The following ACP3 variants were observed in gnomAD, a reference collection of about 807,000 sequenced individuals.
ACP3 encodes prostatic acid phosphatase.
Under a neutral mutation model 45.6 loss-of-function variants are expected in ACP3, and 38 were observed. That is an observed-to-expected ratio of 0.83 (90% CI 0.64 to 1.09). ACP3 has a LOEUF of 1.09. Among genes scored for constraint, ACP3 ranks in the 50% least tolerant of loss-of-function variants. The pLI, the probability that ACP3 is intolerant of heterozygous loss-of-function variation, is 0.00. For missense variants in ACP3, 466 were observed against 463.2 expected (o/e 1.01, Z -0.05); for synonymous variants, 162 against 164.7 (o/e 0.98, Z 0.13).
At chr3:132,347,871 A>ACACACACACACACACC (rs766142673) in intron 7 of ACP3, among the ~76,000 whole-genome samples, 3 of 151,094 alleles carry the variant, frequency 2.0e-5, no homozygotes, top group Admixed American at 6.6e-5. Flanking sequence ...ACACACACAC[A>ACACACACACACACACC]CCAAAAAAAT....
chr3:132,354,118 C>G (rs17242260), intron 9 of ACP3, among the ~76,000 whole-genome samples: 72,390 of 151,990 alleles, frequency 0.48, 18,019 homozygotes, highest in Middle Eastern at 0.65. Flanking sequence ...ATAAAACCCT[C>G]TCTTAATAAC....
chr3:132,339,611 T>C (rs55950941), intron 5 of ACP3, among the ~76,000 whole-genome samples: 35,205 of 152,190 alleles, frequency 0.23, 4,174 homozygotes, highest in Middle Eastern at 0.31. Context: ...AACACAGTTA[T>C]TGGTTATTAC....
chr3:132,357,194 A>G lies in ACP3; in HGVS notation c.*316A>G. The stretch of plus-strand genomic sequence containing the variant: ...CCATGAACTATATGACTGGCCACAC[A>G]GGATCTTTTGTATTTAAGGATTCTG... On this transcript the variant is annotated 3_prime_UTR_variant, in exon 10 of 10. Transcript: ENST00000336375. 1 of 1,025,262 alleles carries G rather than the reference A, an allele frequency of 9.8e-7. No individual in the cohort carries two copies. Among genetic ancestry groups the G allele is most frequent in the Non-Finnish European group, 1.2e-6 (1 of 855,754 alleles). The allele number at this position is 1,025,262 out of a possible 1,614,324, so 63.5% of individuals were successfully genotyped here.
intron 8 of ACP3, among the ~76,000 whole-genome samples, chr3:132,350,701 A>T (rs1937709451): frequency 6.6e-6 from 1 of 152,152 alleles, no homozygotes; most frequent in South Asian, 2.1e-4. Context: ...TTTATGCTGG[A>T]TGGCAGCTGA....
intron 9 of ACP3, among the ~76,000 whole-genome samples, chr3:132,354,158 G>T (rs1251365660): frequency 1.3e-5 from 2 of 152,106 alleles, no homozygotes; most frequent in African/African-American, 2.4e-5. Flanking sequence ...CCATCAGAAG[G>T]CCAGCTCTGG....
At chr3:132,332,520 A>G (rs1426601253) in intron 4 of ACP3, 176 bp downstream of exon 4, 1 of 747,758 alleles carries the variant, frequency 1.3e-6, no homozygotes, top group African/African-American at 1.8e-5. Flanking sequence ...GCTAAGAGAG[A>G]GTAGGAACCA....
chr3:132,322,784 C>T (rs1243049036), intron 1 of ACP3, among the ~76,000 whole-genome samples: 1 of 152,240 alleles, frequency 6.6e-6, no homozygotes, highest in Non-Finnish European at 1.5e-5. Context: ...CCCAATGTAA[C>T]AGCCTTAAGA....
intron 10 of ACP3, among the ~76,000 whole-genome samples, chr3:132,364,394 A>G (rs1402758337): frequency 1.3e-5 from 2 of 152,060 alleles, no homozygotes; most frequent in Non-Finnish European, 2.9e-5. Context: ...CCATTTACAC[A>G]TGTGGTTTCA....
intron 4 of ACP3, 50 bp from the exon 5 acceptor site, chr3:132,337,406 C>A (rs775711756): frequency 3.3e-6 from 4 of 1,223,982 alleles, no homozygotes; most frequent in Non-Finnish European, 4.7e-6. Flanking sequence ...GCATATTTAG[C>A]AAAGTTTTTC....
Position 132,358,498 on chromosome 3 carries a change from C to G in ACP3, c.*1620C>G. On this transcript the variant is annotated 3_prime_UTR_variant, in exon 10 of 10. Coordinates refer to ENST00000336375, the MANE Select transcript of ACP3 (RefSeq NM_001099.5). ...GGCAGATCTACATGTCTAGAGAACA[C>G]TGTGCTCTATTACCATTATGGATAA... 1 of 1,263,692 alleles carries G rather than the reference C, an allele frequency of 7.9e-7. No individual in the cohort carries two copies. Among genetic ancestry groups the G allele is most frequent in the Non-Finnish European group, 1.0e-6 (1 of 973,032 alleles). 78.3% of individuals were successfully genotyped at this position (1,263,692 alleles called of 1,614,324 possible).
intron 2 of ACP3, 41 bp downstream of exon 2, chr3:132,328,403 G>A (rs772921638): frequency 4.5e-6 from 7 of 1,553,694 alleles, no homozygotes; most frequent in Non-Finnish European, 6.2e-6. Context: ...ATGAAGCTGG[G>A]TGTGGTGGCT....
At chr3:132,344,853 G>A in intron 6 of ACP3, 74 bp from the exon 7 acceptor site, 1 of 1,551,338 alleles carries the variant, frequency 6.4e-7, no homozygotes, top group Non-Finnish European at 8.7e-7. Context: ...CTTGTGAGGT[G>A]AAAAAGGATA....
exon 11 of ACP3, chr3:132,368,112 G>T: frequency 4.3e-6 from 1 of 233,616 alleles, no homozygotes; most frequent in Non-Finnish European, 8.3e-6. Context: ...TGTCCGGAGA[G>T]AAATAAGAAG....
chr3:132,354,559 GGCTTC>G, intron 9 of ACP3, among the ~76,000 whole-genome samples: 1 of 152,246 alleles, frequency 6.6e-6, no homozygotes, highest in African/African-American at 2.4e-5. Flanking sequence ...GGATCAAGGA[GGCTTC>G]GAGTTAACGA....
intron 8 of ACP3, among the ~76,000 whole-genome samples, chr3:132,351,343 A>G (rs1045808711): frequency 3.3e-5 from 5 of 152,216 alleles, no homozygotes; most frequent in Non-Finnish European, 7.3e-5. Context: ...GTGTTTGGGG[A>G]AAATTCTGCA....
chr3:132,367,555 T>C, intron 10 of ACP3: 2 of 626,962 alleles, frequency 3.2e-6, no homozygotes, highest in Non-Finnish European at 5.7e-6. Context: ...TCCTGTGCTC[T>C]TCTTAGCACA....
chr3:132,335,321 T>C (rs1005992027), intron 4 of ACP3, among the ~76,000 whole-genome samples: 15 of 152,054 alleles, frequency 9.9e-5, no homozygotes, highest in African/African-American at 2.9e-4. Flanking sequence ...AGAATAACTA[T>C]TGAAGCAATT....
At chr3:132,360,326 A>AC (rs1176867174), downstream of ACP3, among the ~76,000 whole-genome samples, 4 of 149,912 alleles carry the variant, frequency 2.7e-5, no homozygotes, top group South Asian at 2.1e-4. Flanking sequence ...AAAAAAAAAA[A>AC]AAAACAATAC....
downstream of ACP3, among the ~76,000 whole-genome samples, chr3:132,361,851 T>C (rs994989492): frequency 3.3e-5 from 5 of 152,292 alleles, no homozygotes; most frequent in South Asian, 2.1e-4. Flanking sequence ...CTGACCTCAT[T>C]GTGAGTGTGA....
Sources: gnomAD v4.1 joint callset for allele counts (sites outside exome capture counted in the v4.1 genomes callset) on GRCh38, gnomAD v4.1.1 for gene constraint, MANE v1.5 for transcripts, NCBI Gene and HGNC (gene_info 2026-07-23, HGNC 2026-07-21) for gene names.